The following CUX1 variants were observed in gnomAD, a reference collection of about 807,000 sequenced individuals.
CUX1 encodes protein CASP.
A neutral mutation model predicts 158.8 loss-of-function variants in CUX1; 31 were observed. The ratio of observed to expected loss-of-function variants is 0.20; its 90% CI spans 0.15 to 0.26. CUX1 has a LOEUF of 0.26. CUX1 is among the 10% of genes least tolerant of loss of function. CUX1 has a pLI of 1.00. For synonymous variants in CUX1, 879 were observed against 862.1 expected (o/e 1.02, Z -0.34); for missense variants, 1,589 against 2,014.6 (o/e 0.79, Z 4.04).
intron 21 of CUX1, among the ~76,000 whole-genome samples, chr7:102,230,214 G>A (rs1268812677): frequency 1.3e-5 from 2 of 152,054 alleles, no homozygotes; most frequent in Admixed American, 6.6e-5. Context: ...ATGACAGGTG[G>A]CCTGTAACCC....
At chr7:102,172,411 A>G (rs1370628775) in intron 10 of CUX1, among the ~76,000 whole-genome samples, 1 of 151,806 alleles carries the variant, frequency 6.6e-6, no homozygotes, top group Admixed American at 6.6e-5. Flanking sequence ...AATGCAGTGG[A>G]GTGATCATGG....
intron 22 of CUX1, among the ~76,000 whole-genome samples, chr7:102,235,096 C>G (rs559187754): frequency 6.6e-6 from 1 of 152,352 alleles, no homozygotes; most frequent in Admixed American, 6.5e-5. Flanking sequence ...GGAATAACCC[C>G]ACGTGCACCC....
chr7:102,046,569 A>ATTTTTGTTTTTTTTTTTTTTTT, intron 3 of CUX1, among the ~76,000 whole-genome samples: 1 of 55,466 alleles, frequency 1.8e-5, no homozygotes, highest in Non-Finnish European at 3.2e-5. Flanking sequence ...TTTGGTTTGG[A>ATTTTTGTTTTTTTTTTTTTTTT]TTTTTTTTTT....
At chr7:102,158,644 A>G (rs1554506090) in intron 9 of CUX1, 36 bp downstream of exon 9, 7 of 1,602,492 alleles carry the variant, frequency 4.4e-6, no homozygotes, top group Non-Finnish European at 6.0e-6. Context: ...TAAAACCCAC[A>G]ATAGCGGGCC....
At chr7:101,848,383 T>C (rs936734112) in intron 1 of CUX1, among the ~76,000 whole-genome samples, 1 of 152,170 alleles carries the variant, frequency 6.6e-6, no homozygotes, top group African/African-American at 2.4e-5. Context: ...AAATGAAACA[T>C]GTGAGTCACA....
At chr7:102,063,094 A>T (rs1327060445) in intron 3 of CUX1, among the ~76,000 whole-genome samples, 1 of 150,600 alleles carries the variant, frequency 6.6e-6, no homozygotes, top group Admixed American at 6.6e-5. Context: ...ACAGAGCGAG[A>T]TTCCGTCTCT....
At chr7:102,068,155 G>A (rs1022286781) in intron 3 of CUX1, among the ~76,000 whole-genome samples, 11 of 151,966 alleles carry the variant, frequency 7.2e-5, no homozygotes, top group Middle Eastern at 3.4e-3. Context: ...GCAGTTGTAC[G>A]AACACAGCTC....
chr7:102,029,910 A>G (rs1448341453), intron 3 of CUX1, among the ~76,000 whole-genome samples: 1 of 152,152 alleles, frequency 6.6e-6, no homozygotes, highest in African/African-American at 2.4e-5. Flanking sequence ...CTCTCGCTCA[A>G]AGAGTTCAGT....
chr7:101,906,683 C>T (rs1373339789), intron 1 of CUX1, among the ~76,000 whole-genome samples: 1 of 152,188 alleles, frequency 6.6e-6, no homozygotes, highest in Non-Finnish European at 1.5e-5. Flanking sequence ...AAGGGTGCCT[C>T]CTTCTCTGCA....
chr7:102,263,532 T>A (rs1443445559), intron 14 of CUX1, among the ~76,000 whole-genome samples: 1 of 151,958 alleles, frequency 6.6e-6, no homozygotes, highest in African/African-American at 2.4e-5. Context: ...TCCATTCTGG[T>A]CTCGAACTCC....
In CUX1 at chr7:102,255,134, C is replaced by T. The variant is rs539177672; in HGVS notation, c.*6092C>T. 2.0e-6 allele frequency: 2 copies of T among 985,256 alleles called. No homozygotes were observed. Among genetic ancestry groups the T allele is most frequent in the Non-Finnish European group, 2.4e-6 (2 of 829,902 alleles). The allele number at this position is 985,256 out of a possible 1,614,324, so 61.0% of individuals were successfully genotyped here. A position where few individuals can be genotyped will look rare whatever the true frequency, so the allele number is the denominator to read the frequency against. ...CCGGCGGCCTGTGCTCCTCACCACC[C>T]TGGTCAGGGGAATAGAAGGAAATGC... is the stretch of plus-strand genomic sequence containing the variant. On this transcript the variant is annotated 3_prime_UTR_variant, in exon 24 of 24. Coordinates refer to ENST00000292535, the MANE Select transcript of CUX1 (RefSeq NM_181552.4).
chr7:101,923,104 C>T (rs1219510185), intron 2 of CUX1, among the ~76,000 whole-genome samples: 1 of 152,214 alleles, frequency 6.6e-6, no homozygotes. Context: ...GTCTGACCTG[C>T]AGCCCCGGCT....
rs1554488348 is a variant in CUX1, at chr7:102,106,105, T to TG, written c.530+1647dup. On this transcript the variant is annotated intron_variant, in intron 6 of 23. Transcript: ENST00000292535. ...TTTTTTTTTTTTTTTTTTTTTTTTT[T>TG]GAGATGGAGTCTCACTCTGTCACCC... 1.0e-3 allele frequency among the ~76,000 whole-genome samples: 116 copies of TG among 112,332 alleles called. 1 individual carries two copies. The highest frequency in any genetic ancestry group is 4.0e-3 in the African/African-American group (107 of 26,518). 73.7% of individuals were successfully genotyped at this position (112,332 alleles called of 152,430 possible).
At chr7:102,237,229 G>A (rs781823296) in intron 22 of CUX1, among the ~76,000 whole-genome samples, 37 of 152,290 alleles carry the variant, frequency 2.4e-4, no homozygotes, top group African/African-American at 7.7e-4. Flanking sequence ...TGCCTAAGCT[G>A]TTTATTTTAT....
chr7:101,898,910 A>G (rs543089561), intron 1 of CUX1, among the ~76,000 whole-genome samples: 3 of 152,286 alleles, frequency 2.0e-5, no homozygotes, highest in Admixed American at 2.0e-4. Flanking sequence ...TTATAGTTAC[A>G]CTAGCTTGGA....
At chr7:101,833,437 C>T (rs1794276479) in intron 1 of CUX1, among the ~76,000 whole-genome samples, 1 of 149,912 alleles carries the variant, frequency 6.7e-6, no homozygotes, top group Admixed American at 6.6e-5. Flanking sequence ...CACCTGTGAT[C>T]CTGGCTGCTC....
At chr7:101,875,890 G>A (rs937082951) in intron 1 of CUX1, among the ~76,000 whole-genome samples, 1 of 151,864 alleles carries the variant, frequency 6.6e-6, no homozygotes, top group African/African-American at 2.4e-5. Context: ...CAAAAAATGA[G>A]AGTAAAGATT....
chr7:102,038,017 T>C (rs1821648042), intron 3 of CUX1, among the ~76,000 whole-genome samples: 2 of 147,898 alleles, frequency 1.4e-5, no homozygotes, highest in African/African-American at 5.0e-5. Context: ...AGCATTGCAG[T>C]CCAGCCTGGG....
chr7:102,050,992 G>A (rs1256090406), intron 3 of CUX1, among the ~76,000 whole-genome samples: 7 of 152,086 alleles, frequency 4.6e-5, no homozygotes. Context: ...TGTCCTGAGT[G>A]ATCGCTTCAT....
Sources: gnomAD v4.1 joint callset for allele counts (sites outside exome capture counted in the v4.1 genomes callset) on GRCh38, gnomAD v4.1.1 for gene constraint, MANE v1.5 for transcripts, NCBI Gene and HGNC (gene_info 2026-07-23, HGNC 2026-07-21) for gene names.